OR2F1: variants seen among roughly 807,000 people sequenced by gnomAD.
OR2F1 encodes olfactory receptor family 2 subfamily F member 1, also known as olfactory receptor 2F1.
For missense variants in OR2F1, 389 were observed against 378.2 expected, an observed-to-expected ratio of 1.03 and a Z score of -0.24; for synonymous variants, 146 against 155.3, an observed-to-expected ratio of 0.94 and a Z score of 0.44.
chr7:143,963,206 C>T lies in OR2F1; in HGVS notation c.*2282C>T, dbSNP rs7794224. The T allele has an allele frequency of 0.43, 64,698 of 152,066 alleles. 15,031 individuals are homozygous for T. Among genetic ancestry groups the T allele is most frequent in the African/African-American group, 0.61 (25,409 of 41,468 alleles). 9.4% of individuals were successfully genotyped at this position (152,066 alleles called of 1,614,324 possible). ...AGAAGAAAGTAATCAAAAATACAAA[C>T]ATACACATAATACATCAAGGAGGAA... On this transcript the variant is annotated 3_prime_UTR_variant, in exon 3 of 3. Transcript: ENST00000641412.
chr7:143,958,636 A>T (rs1295233323), intron 1 of OR2F1, among the ~76,000 whole-genome samples: 1 of 152,082 alleles, frequency 6.6e-6, no homozygotes, highest in Non-Finnish European at 1.5e-5. Flanking sequence ...ACTTTCCCTT[A>T]TTGTGAACAC....
In OR2F1 at chr7:143,963,198, A is replaced by G. The variant is rs1291959740; in HGVS notation, c.*2274A>G. 1 of 152,218 alleles carries G rather than the reference A, an allele frequency of 6.6e-6. No individual in the cohort carries two copies. The highest frequency in any genetic ancestry group is 1.5e-5 in the Non-Finnish European group (1 of 68,028). The allele number at this position is 152,218 out of a possible 1,614,324, so 9.4% of individuals were successfully genotyped here. A position where few individuals can be genotyped will look rare whatever the true frequency, so the allele number is the denominator to read the frequency against. On this transcript the variant is annotated 3_prime_UTR_variant, in exon 3 of 3. Coordinates refer to ENST00000641412, the MANE Select transcript of OR2F1 (RefSeq NM_012369.3). ...AAGAGATAAGAAGAAAGTAATCAAA[A>G]ATACAAACATACACATAATACATCA...
chr7:143,963,117 G>A lies in OR2F1; in HGVS notation c.*2193G>A, dbSNP rs1451543544. 1 of 152,222 alleles carries A rather than the reference G, an allele frequency of 6.6e-6. No individual in the cohort carries two copies. The highest frequency in any genetic ancestry group is 2.4e-5 in the African/African-American group (1 of 41,458). 9.4% of individuals were successfully genotyped at this position (152,222 alleles called of 1,614,324 possible). A position where few individuals can be genotyped will look rare whatever the true frequency, so the allele number is the denominator to read the frequency against. On this transcript the variant is annotated 3_prime_UTR_variant, in exon 3 of 3. Coordinates refer to ENST00000641412, the MANE Select transcript of OR2F1 (RefSeq NM_012369.3). ...GCTGTCTGAACATTCTGTAAATTGT[G>A]TAGTAAACTGGAAAATTCACCATCG...
rs2050331105 is a variant in OR2F1, at chr7:143,961,629, A to G, written c.*705A>G. On this transcript the variant is annotated 3_prime_UTR_variant, in exon 3 of 3. Transcript: ENST00000641412. ...TCAGGTGCTTCTTGACAGTATTCAA[A>G]CAGTTTGAGAAGGATTTTACTGCAT... is the stretch of plus-strand genomic sequence containing the variant. 1 of 152,254 alleles carries G rather than the reference A, an allele frequency of 6.6e-6. No individual in the cohort carries two copies. The allele number at this position is 152,254 out of a possible 1,614,324, so 9.4% of individuals were successfully genotyped here.
chr7:143,961,062 G>A lies in OR2F1; in HGVS notation c.*138G>A. The A allele has an allele frequency of 6.0e-6, 4 of 672,036 alleles. No individual in the cohort carries two copies. Among genetic ancestry groups the A allele is most frequent in the Non-Finnish European group, 1.0e-5 (4 of 389,416 alleles). The allele number at this position is 672,036 out of a possible 1,614,324, so 41.6% of individuals were successfully genotyped here. ...TGTACTGTGGATGTTATGGAGGAGG[G>A]GGAGTGGTTCAATTGGATGGGGTGT... On this transcript the variant is annotated 3_prime_UTR_variant, in exon 3 of 3. Coordinates refer to ENST00000641412, the MANE Select transcript of OR2F1 (RefSeq NM_012369.3).
At position 143,960,919 on chromosome 7, in the gene OR2F1, A is replaced by AC. The variant is rs768122181; in HGVS notation, c.950dup (p.Ter318LeufsTer20). Reference sequence around the variant, plus strand: ...CTCTGGGTTAACATCAAAGCTGGCAACTTGACTCATGAGTATGACTTAGAG... The same window carrying AC: ...CTCTGGGTTAACATCAAAGCTGGCAACCTTGACTCATGAGTATGACTTAGAG... On this transcript the variant is annotated frameshift_variant, in exon 3 of 3. Transcript: ENST00000641412. LOFTEE classifies it high-confidence loss of function. The AC allele has an allele frequency of 1.9e-6, 3 of 1,603,514 alleles. No homozygotes were observed. In the African/African-American group the frequency reaches 4.0e-5, roughly 21 times the overall value.
chr7:143,957,450 G>T (rs995534052), intron 1 of OR2F1, among the ~76,000 whole-genome samples: 2 of 152,296 alleles, frequency 1.3e-5, no homozygotes, highest in Non-Finnish European at 2.9e-5. Context: ...AGATTAGTGA[G>T]GGTAGAAATG....
In OR2F1 at chr7:143,960,486, G is replaced by A. The variant is rs1205295087; in HGVS notation, c.516G>A (p.Lys172=). 1 of 1,614,080 alleles carries A rather than the reference G, an allele frequency of 6.2e-7. No homozygotes were observed. Among genetic ancestry groups the A allele is most frequent in the East Asian group, 2.2e-5 (1 of 44,888 alleles). The change falls in exon 3 of 3, where the codon AAG becomes AAA. Residue 172 remains lysine (K), a synonymous_variant. Coordinates refer to ENST00000641412, the MANE Select transcript of OR2F1 (RefSeq NM_012369.3). The stretch of plus-strand genomic sequence containing the variant: ...TTCAGCTGCCCATGTGCAGAAACAA[G>A]TTTATTGATCACATATCCTGTGAAC... ...ITFQLPMCRN[K]FIDHISCELL...
intron 1 of OR2F1, among the ~76,000 whole-genome samples, 174 bp downstream of exon 1, chr7:143,955,277 C>T (rs1461767205): frequency 3.9e-5 from 6 of 152,082 alleles, no homozygotes; most frequent in African/African-American, 1.4e-4. Context: ...TTGAGCTTTG[C>T]TATTCATACC....
Position 143,961,327 on chromosome 7 carries a change from G to A in OR2F1, c.*403G>A, listed in dbSNP as rs878929160. 5.9e-6 allele frequency: 1 copy of A among 168,358 alleles called. No individual in the cohort carries two copies. Among genetic ancestry groups the A allele is most frequent in the Admixed American group, 5.6e-5 (1 of 17,872 alleles). 10.4% of individuals were successfully genotyped at this position (168,358 alleles called of 1,614,324 possible). A position where few individuals can be genotyped will look rare whatever the true frequency, so the allele number is the denominator to read the frequency against. On this transcript the variant is annotated 3_prime_UTR_variant, in exon 3 of 3. Coordinates refer to ENST00000641412, the MANE Select transcript of OR2F1 (RefSeq NM_012369.3). Reference sequence around the variant, plus strand: ...ATGGGGCTTCCATTGAAAACAAAATGCATTTTTACATTTGAAGACTCACTT... The same window carrying A: ...ATGGGGCTTCCATTGAAAACAAAATACATTTTTACATTTGAAGACTCACTT...
chr7:143,964,325 A>T lies in OR2F1; in HGVS notation c.*3401A>T, dbSNP rs2050353563. On this transcript the variant is annotated 3_prime_UTR_variant, in exon 3 of 3. Coordinates refer to ENST00000641412, the MANE Select transcript of OR2F1 (RefSeq NM_012369.3). ...ATATTTTTCATTAGTTAATAACCAT[A>T]AAAACACCACTGAAGGTTTTCCTTA... The T allele has an allele frequency of 6.6e-6, 1 of 152,166 alleles. No individual in the cohort carries two copies. Among genetic ancestry groups the T allele is most frequent in the African/African-American group, 2.4e-5 (1 of 41,448 alleles). The allele number at this position is 152,166 out of a possible 1,614,324, so 9.4% of individuals were successfully genotyped here.
rs1012236492 is a variant in OR2F1 at position 143,961,969 on chromosome 7, A to G, written c.*1045A>G. Reference sequence around the variant, plus strand: ...CACACACACAACAGAGCCATAGGTGAATTTTTGTAAATCTTGTAACCTGGG... The same window carrying G: ...CACACACACAACAGAGCCATAGGTGGATTTTTGTAAATCTTGTAACCTGGG... On this transcript the variant is annotated 3_prime_UTR_variant, in exon 3 of 3. Coordinates refer to ENST00000641412, the MANE Select transcript of OR2F1 (RefSeq NM_012369.3). The G allele has an allele frequency of 6.6e-6, 1 of 152,204 alleles. No individual in the cohort carries two copies. Among genetic ancestry groups the G allele is most frequent in the African/African-American group, 2.4e-5 (1 of 41,446 alleles). 9.4% of individuals were successfully genotyped at this position (152,204 alleles called of 1,614,324 possible).
chr7:143,955,872 C>T (rs907459610), intron 1 of OR2F1, among the ~76,000 whole-genome samples: 2 of 152,030 alleles, frequency 1.3e-5, no homozygotes, highest in African/African-American at 4.8e-5. Context: ...ACATTAGATG[C>T]CTGGCAAAAA....
In OR2F1 at chr7:143,960,958, C is replaced by G; in HGVS notation, c.*34C>G. The G allele has an allele frequency of 2.0e-6, 3 of 1,504,456 alleles. No individual in the cohort carries two copies. The highest frequency in any genetic ancestry group is 2.7e-6 in the Non-Finnish European group (3 of 1,101,740). 93.2% of individuals were successfully genotyped at this position (1,504,456 alleles called of 1,614,324 possible). On this transcript the variant is annotated 3_prime_UTR_variant, in exon 3 of 3. Coordinates refer to ENST00000641412, the MANE Select transcript of OR2F1 (RefSeq NM_012369.3). Reference sequence around the variant, plus strand: ...TATGACTTAGAGAAAACAGCTTTGCCTCAGTGTTCTCCACCCAGCTGAGAT... The same window carrying G: ...TATGACTTAGAGAAAACAGCTTTGCGTCAGTGTTCTCCACCCAGCTGAGAT...
Position 143,960,967 on chromosome 7 carries a change from C to T in OR2F1, c.*43C>T. On this transcript the variant is annotated 3_prime_UTR_variant, in exon 3 of 3. Transcript: ENST00000641412. ...GAGAAAACAGCTTTGCCTCAGTGTT[C>T]TCCACCCAGCTGAGATCTGACAGGT... The T allele has an allele frequency of 6.9e-7, 1 of 1,459,774 alleles. No individual in the cohort carries two copies. The highest frequency in any genetic ancestry group is 1.3e-5 in the South Asian group (1 of 77,826). 90.4% of individuals were successfully genotyped at this position (1,459,774 alleles called of 1,614,324 possible). A position where few individuals can be genotyped will look rare whatever the true frequency, so the allele number is the denominator to read the frequency against.
rs956042601 is a variant in OR2F1 at position 143,963,320 on chromosome 7, C to T, written c.*2396C>T. Reference sequence around the variant, plus strand: ...TTTCTCCATCAACCATCACACAATCCTTTGCCTTCAAACAACTCCTAAGCA... The same window carrying T: ...TTTCTCCATCAACCATCACACAATCTTTTGCCTTCAAACAACTCCTAAGCA... On this transcript the variant is annotated 3_prime_UTR_variant, in exon 3 of 3. Transcript: ENST00000641412. 2 of 152,146 alleles carry T rather than the reference C, an allele frequency of 1.3e-5. No homozygotes were observed. The highest frequency in any genetic ancestry group is 2.9e-5 in the Non-Finnish European group (2 of 68,036). 9.4% of individuals were successfully genotyped at this position (152,146 alleles called of 1,614,324 possible).
chr7:143,960,627 C>T lies in OR2F1; in HGVS notation c.657C>T (p.Ile219=), dbSNP rs879149925. The T allele has an allele frequency of 1.9e-6, 3 of 1,614,148 alleles. No individual in the cohort carries two copies. Among genetic ancestry groups the T allele is most frequent in the Non-Finnish European group, 2.5e-6 (3 of 1,180,034 alleles). ...TPFCLVLLSY[I]QIISTILKIQ... ...TCTGCCTGGTTCTTTTGTCCTACAT[C>T]CAGATCATCTCCACCATCCTAAAGA... Residue 219 remains isoleucine, a synonymous_variant, in exon 3 of 3, where the codon ATC becomes ATT. Coordinates refer to ENST00000641412, the MANE Select transcript of OR2F1 (RefSeq NM_012369.3).
chr7:143,963,788 A>T lies in OR2F1; in HGVS notation c.*2864A>T, dbSNP rs1362386456. 6.6e-6 allele frequency: 1 copy of T among 152,042 alleles called. No individual in the cohort carries two copies. Among genetic ancestry groups the T allele is most frequent in the African/African-American group, 2.4e-5 (1 of 41,374 alleles). The allele number at this position is 152,042 out of a possible 1,614,324, so 9.4% of individuals were successfully genotyped here. ...ACAGGAGAAAGATAGAGGCCAGAAG[A>T]CTCAGGCAATCTAGTCCTTCCATGT... On this transcript the variant is annotated 3_prime_UTR_variant, in exon 3 of 3. Transcript: ENST00000641412.
chr7:143,956,475 G>A (rs1165552493), intron 1 of OR2F1, among the ~76,000 whole-genome samples: 2 of 152,064 alleles, frequency 1.3e-5, no homozygotes, highest in Admixed American at 1.3e-4. Context: ...CAGCATACTT[G>A]ATGGGTTAAC....
Sources: gnomAD v4.1 joint callset for allele counts (sites outside exome capture counted in the v4.1 genomes callset) on GRCh38, gnomAD v4.1.1 for gene constraint, MANE v1.5 for transcripts, NCBI Gene and HGNC (gene_info 2026-07-23, HGNC 2026-07-21) for gene names.